DNM2: variants seen among roughly 807,000 people sequenced by gnomAD.
The protein encoded by DNM2 is dynamin-2.
A neutral mutation model predicts 99.0 loss-of-function variants in DNM2; 15 were observed. The observed-to-expected ratio is 0.15, with a 90% CI of 0.10 to 0.23. DNM2 has a LOEUF of 0.23. Ranked by LOEUF, DNM2 falls within the 10% of genes least tolerant of loss-of-function variation. The pLI is 1.00. For missense variants in DNM2, 742 were observed against 1,189.4 expected (o/e 0.62, Z 5.53); for synonymous variants, 525 against 481.2 (o/e 1.09, Z -1.19).
intron 12 of DNM2, chr19:10,803,501 T>G: frequency 5.3e-6 from 3 of 561,686 alleles, no homozygotes; most frequent in Non-Finnish European, 4.5e-6. Flanking sequence ...CTGGTCCCCA[T>G]CTTTGGTTTG....
At chr19:10,774,779 A>AT (rs546734782) in intron 3 of DNM2, among the ~76,000 whole-genome samples, 10,367 of 84,216 alleles carry the variant, frequency 0.12, 425 homozygotes, top group Middle Eastern at 0.17. Flanking sequence ...TTATATATTT[A>AT]TTTTTTTTTT....
At chr19:10,722,676 A>C (rs1838795249) in intron 1 of DNM2, among the ~76,000 whole-genome samples, 1 of 151,540 alleles carries the variant, frequency 6.6e-6, no homozygotes, top group South Asian at 2.1e-4. Context: ...CCCAGGCTAG[A>C]GTGCAGTGGC....
Position 10,772,434 on chromosome 19 carries a change from G to A in DNM2, c.236-45G>A. 11 of 1,611,450 alleles carry A rather than the reference G, an allele frequency of 6.8e-6. No homozygotes were observed. The highest frequency in any genetic ancestry group is 9.3e-6 in the Non-Finnish European group (11 of 1,179,618). On this transcript the variant is annotated intron_variant, in intron 2 of 20. Transcript: ENST00000389253. The surrounding 1 kb of genome is among the most constrained non-coding windows in gnomAD (Gnocchi z 4.9). ...TCTCCCCGCAGTCCATGCGCACCCTGCCCACAGCTCTTTCTCATTTTCAGC... is the reference window on the plus strand; with the variant it reads ...TCTCCCCGCAGTCCATGCGCACCCTACCCACAGCTCTTTCTCATTTTCAGC...
intron 1 of DNM2, among the ~76,000 whole-genome samples, chr19:10,747,643 T>G (rs749108068): frequency 2.6e-5 from 4 of 152,212 alleles, no homozygotes; most frequent in Non-Finnish European, 5.9e-5. Context: ...ATTGGTCATC[T>G]GCCTCCTGCC....
chr19:10,778,188 C>T (rs1050685810), intron 5 of DNM2, among the ~76,000 whole-genome samples: 4 of 151,926 alleles, frequency 2.6e-5, no homozygotes, highest in Non-Finnish European at 5.9e-5. Flanking sequence ...GTGCCAGCCA[C>T]CACGCGTGGC....
At chr19:10,739,822 C>G (rs906787977) in intron 1 of DNM2, among the ~76,000 whole-genome samples, 3 of 142,158 alleles carry the variant, frequency 2.1e-5, no homozygotes, top group Non-Finnish European at 4.5e-5. Context: ...CTCCACTGCA[C>G]TCTAGCCTGG....
At position 10,760,827 on chromosome 19, in the gene DNM2, A is replaced by ATTTTTTTTTTTTTTTTTTTTTTTTTTTTT. The variant is rs57290103; in HGVS notation, c.235+1033_235+1034insTTTTTTTTTTTTTTTTTTTTTTTTTTTTT. ...GTGCACACACCACCACACCCAGCTGATTTTTTTTTTTTTTTTTGGTAGAGA... is the reference window on the plus strand; with the variant it reads ...GTGCACACACCACCACACCCAGCTGATTTTTTTTTTTTTTTTTTTTTTTTTTTTTTTTTTTTTTTTTTTTTTGGTAGAGA... On this transcript the variant is annotated intron_variant, in intron 2 of 20. Transcript: ENST00000389253. Among the ~76,000 whole-genome samples, 2 of 41,260 alleles carry ATTTTTTTTTTTTTTTTTTTTTTTTTTTTT rather than the reference A, an allele frequency of 4.8e-5. 1 individual carries two copies. 27.1% of individuals were successfully genotyped at this position (41,260 alleles called of 152,430 possible). A position where few individuals can be genotyped will look rare whatever the true frequency, so the allele number is the denominator to read the frequency against.
intron 1 of DNM2, among the ~76,000 whole-genome samples, chr19:10,727,048 G>T (rs1388210133): frequency 1.3e-5 from 2 of 152,124 alleles, no homozygotes; most frequent in Non-Finnish European, 2.9e-5. Context: ...TAAAACGATT[G>T]TATTTGCTCA....
At chr19:10,741,202 G>A (rs772077574) in intron 1 of DNM2, among the ~76,000 whole-genome samples, 70 of 152,064 alleles carry the variant, frequency 4.6e-4, no homozygotes, top group Non-Finnish European at 9.0e-4. Context: ...TGAAAGTGGG[G>A]TATTGAAGTC....
chr19:10,731,875 T>C (rs560285610), intron 1 of DNM2, among the ~76,000 whole-genome samples: 2 of 152,234 alleles, frequency 1.3e-5, no homozygotes, highest in South Asian at 4.1e-4. Context: ...GAAGCTCAGG[T>C]CAGGCTGCTT....
At chr19:10,781,326 G>A in intron 5 of DNM2, 1 of 152,338 alleles carries the variant, frequency 6.6e-6, no homozygotes, top group Middle Eastern at 3.4e-3. Context: ...GTCTCCTACT[G>A]TGACCTCACC....
intron 1 of DNM2, among the ~76,000 whole-genome samples, chr19:10,746,727 GTTTTTTGTTTTT>G (rs1485218028): frequency 8.6e-6 from 1 of 116,210 alleles, no homozygotes; most frequent in East Asian, 3.1e-4. Flanking sequence ...CTTTTTTTTT[GTTTTTTGTTTTT>G]TTTTTTTTTG....
chr19:10,729,994 C>G (rs1345252074), intron 1 of DNM2, among the ~76,000 whole-genome samples: 1 of 152,054 alleles, frequency 6.6e-6, no homozygotes, highest in Non-Finnish European at 1.5e-5. Context: ...TCCTGAGTAC[C>G]TGGGACAACA....
At chr19:10,746,854 A>C (rs1405934681) in intron 1 of DNM2, among the ~76,000 whole-genome samples, 1 of 147,048 alleles carries the variant, frequency 6.8e-6, no homozygotes, top group African/African-American at 2.6e-5. Context: ...TTCCTGCCTC[A>C]GCCTCTCGAG....
intron 1 of DNM2, among the ~76,000 whole-genome samples, chr19:10,729,240 T>C (rs1199240792): frequency 6.8e-6 from 1 of 146,772 alleles, no homozygotes; most frequent in Non-Finnish European, 1.5e-5. Flanking sequence ...TCCCAGCTAC[T>C]CGGGAGGCTG....
intron 1 of DNM2, among the ~76,000 whole-genome samples, chr19:10,757,365 T>G (rs1403452502): frequency 1.3e-5 from 2 of 151,990 alleles, no homozygotes; most frequent in Non-Finnish European, 2.9e-5. Context: ...AAAGAGCACA[T>G]CTCCCCCCCG....
intron 11 of DNM2, 34 bp from the exon 12 acceptor site, chr19:10,802,254 C>G (rs746568843): frequency 1.2e-6 from 2 of 1,613,190 alleles, no homozygotes; most frequent in East Asian, 4.5e-5. Flanking sequence ...CCAGGCTTGG[C>G]CTTGTACTCA....
intron 14 of DNM2, 110 bp downstream of exon 14, chr19:10,808,690 C>T (rs1380936505): frequency 7.3e-7 from 1 of 1,363,194 alleles, no homozygotes; most frequent in African/African-American, 1.5e-5. Context: ...AACAAAAATA[C>T]TAAAAATCGA....
At chr19:10,726,806 T>TAAGCCGAGATTGCGCC (rs1485427484) in intron 1 of DNM2, among the ~76,000 whole-genome samples, 4 of 152,122 alleles carry the variant, frequency 2.6e-5, no homozygotes, top group Middle Eastern at 3.2e-3. Context: ...GAGGTTGCGG[T>TAAGCCGAGATTGCGCC]AAGCCGAGAT....
Sources: gnomAD v4.1 joint callset for allele counts (sites outside exome capture counted in the v4.1 genomes callset) on GRCh38, gnomAD v4.1.1 for gene constraint, Gnocchi (gnomAD v3.1) non-coding constraint, MANE v1.5 for transcripts, NCBI Gene and HGNC (gene_info 2026-07-23, HGNC 2026-07-21) for gene names.